OSBPL11: variants seen among roughly 807,000 people sequenced by gnomAD.
OSBPL11 encodes the protein oxysterol binding protein like 11, also known as oxysterol-binding protein-related protein 11.
A neutral mutation model predicts 84.4 loss-of-function variants in OSBPL11; 33 were observed. The ratio of observed to expected loss-of-function variants is 0.39; its 90% CI spans 0.30 to 0.52. The LOEUF (loss-of-function observed/expected upper bound fraction) is 0.52. Ranked by LOEUF, OSBPL11 falls within the 20% of genes least tolerant of loss-of-function variation. The probability of loss-of-function intolerance (pLI) is 0.72; values close to 1 mark genes in which losing one functional copy is unlikely to be tolerated. For synonymous variants in OSBPL11, 276 were observed against 310.2 expected (o/e 0.89, Z 1.16); for missense variants, 736 against 901.1 (o/e 0.82, Z 2.35).
At chr3:125,565,177 T>C (rs1233417169) in intron 6 of OSBPL11, among the ~76,000 whole-genome samples, 1 of 152,142 alleles carries the variant, frequency 6.6e-6, no homozygotes, top group African/African-American at 2.4e-5. Flanking sequence ...CCTGGGAGGT[T>C]GAGCTGCAGT....
chr3:125,538,741 T>C (rs1265536840), intron 10 of OSBPL11, 108 bp from the exon 11 acceptor site: 14 of 893,082 alleles, frequency 1.6e-5, no homozygotes, highest in East Asian at 2.5e-5. Context: ...AAATTAGTTA[T>C]ATACCTCACT....
intron 1 of OSBPL11, among the ~76,000 whole-genome samples, chr3:125,589,174 C>G (rs1048575467): frequency 1.3e-5 from 2 of 151,978 alleles, no homozygotes; most frequent in African/African-American, 2.4e-5. Context: ...CATGGTGGAA[C>G]CCCGTCTCTA....
chr3:125,546,999 C>T (rs1281282938), intron 10 of OSBPL11, among the ~76,000 whole-genome samples: 6 of 152,212 alleles, frequency 3.9e-5, no homozygotes, highest in Middle Eastern at 3.4e-3. Flanking sequence ...TAATGAAGCA[C>T]ATACACTGGC....
At chr3:125,586,027 A>C (rs1416797480) in intron 1 of OSBPL11, among the ~76,000 whole-genome samples, 1 of 152,212 alleles carries the variant, frequency 6.6e-6, no homozygotes, top group Non-Finnish European at 1.5e-5. Flanking sequence ...CCTTGAGTCC[A>C]GGAGTTTGAG....
chr3:125,544,539 G>A (rs370989278), intron 10 of OSBPL11, among the ~76,000 whole-genome samples: 46 of 152,182 alleles, frequency 3.0e-4, no homozygotes, highest in African/African-American at 1.1e-3. Context: ...TAACCATCAG[G>A]CAAGTTCTCC....
chr3:125,587,545 A>C (rs1936533056), intron 1 of OSBPL11, among the ~76,000 whole-genome samples: 1 of 152,232 alleles, frequency 6.6e-6, no homozygotes, highest in African/African-American at 2.4e-5. Context: ...GAAAAGTTTT[A>C]AGGGCAAGGG....
rs148776495 is a variant in OSBPL11 at position 125,594,794 on chromosome 3, C to G, written c.7G>C (p.Gly3Arg). Residue 3 changes from glycine (G) to arginine (R), a missense_variant, in exon 1 of 13, where the codon GGG (glycine) becomes CGG (arginine). By Grantham distance (125) the Gly-to-Arg change is moderately radical. Transcript: ENST00000296220. The stretch of plus-strand genomic sequence containing the variant: ...TTCATTGTGGACACTGGTTCACCCC[C>G]CTGCATCTTAACGCCAAAGTCCACT... MQ[G>R]GEPVSTMKVS... is the part of the protein sequence containing the mutation. The G allele has an allele frequency of 5.9e-5, 95 of 1,613,418 alleles. No homozygotes were observed. Among genetic ancestry groups the G allele is most frequent in the South Asian group, 5.8e-4 (53 of 91,070 alleles).
At position 125,534,951 on chromosome 3, in the gene OSBPL11, G is replaced by GAA. The variant is rs56164804; in HGVS notation, c.2025-2939_2025-2938dup. On this transcript the variant is annotated intron_variant, in intron 11 of 12. Coordinates refer to ENST00000296220, the MANE Select transcript of OSBPL11 (RefSeq NM_022776.5). Reference sequence around the variant, plus strand: ...CCTAAGCTTCCATTGTAAGAAATTAGAAAAAAAAAAAAAAAAAAAAAAAAA... The same window carrying GAA: ...CCTAAGCTTCCATTGTAAGAAATTAGAAAAAAAAAAAAAAAAAAAAAAAAAAA... Among the ~76,000 whole-genome samples, 265 of 64,630 alleles carry GAA rather than the reference G, an allele frequency of 4.1e-3. 16 individuals are homozygous for GAA. The highest frequency in any genetic ancestry group is 0.015 in the African/African-American group (204 of 13,276). 42.4% of individuals were successfully genotyped at this position (64,630 alleles called of 152,430 possible). A position where few individuals can be genotyped will look rare whatever the true frequency, so the allele number is the denominator to read the frequency against.
chr3:125,551,914 G>A (rs1403670275), intron 9 of OSBPL11, among the ~76,000 whole-genome samples: 1 of 151,954 alleles, frequency 6.6e-6, no homozygotes, highest in East Asian at 1.9e-4. Flanking sequence ...CTAGAAATTG[G>A]AGCGAAAAAG....
chr3:125,591,473 G>C (rs138221463), intron 1 of OSBPL11, among the ~76,000 whole-genome samples: 1 of 152,320 alleles, frequency 6.6e-6, no homozygotes, highest in East Asian at 1.9e-4. Context: ...GATGCTCTGT[G>C]AAGAAGCCCA....
intron 1 of OSBPL11, among the ~76,000 whole-genome samples, chr3:125,591,993 C>A (rs1011843045): frequency 3.9e-5 from 6 of 151,954 alleles, no homozygotes; most frequent in Admixed American, 2.0e-4. Flanking sequence ...CAGAGAGAGA[C>A]CTTGTCTCAA....
At chr3:125,579,301 T>C (rs1437442601) in intron 3 of OSBPL11, among the ~76,000 whole-genome samples, 1 of 152,192 alleles carries the variant, frequency 6.6e-6, no homozygotes, top group Non-Finnish European at 1.5e-5. Context: ...TTGCAACTCA[T>C]AAAAATAGGT....
At chr3:125,574,271 A>G (rs79974127) in intron 5 of OSBPL11, among the ~76,000 whole-genome samples, 3 of 142,656 alleles carry the variant, frequency 2.1e-5, no homozygotes, top group African/African-American at 7.7e-5. Flanking sequence ...AACTCACAGG[A>G]AAAAAAAAAA....
Position 125,564,743 on chromosome 3 carries a change from C to T in OSBPL11, c.869-900G>A, listed in dbSNP as rs140384871. 8.8e-3 allele frequency among the ~76,000 whole-genome samples: 1,332 copies of T among 152,072 alleles called. 23 individuals carry two copies. The highest frequency in any genetic ancestry group is 0.03 in the African/African-American group (1,244 of 41,460). On this transcript the variant is annotated intron_variant, in intron 6 of 12. Transcript: ENST00000296220. Reference sequence around the variant, plus strand: ...AATCTCAGCTCACTGCAACCTCCACCTCCCAGGTTCAAGTGATTATCCTGC... The same window carrying T: ...AATCTCAGCTCACTGCAACCTCCACTTCCCAGGTTCAAGTGATTATCCTGC...
At chr3:125,541,910 G>C (rs1337863924) in intron 10 of OSBPL11, among the ~76,000 whole-genome samples, 3 of 152,150 alleles carry the variant, frequency 2.0e-5, no homozygotes, top group African/African-American at 7.2e-5. Flanking sequence ...GTAAATAATA[G>C]AGTCAGGATT....
intron 10 of OSBPL11, among the ~76,000 whole-genome samples, chr3:125,540,575 A>G (rs1399035770): frequency 6.6e-6 from 1 of 152,164 alleles, no homozygotes; most frequent in Non-Finnish European, 1.5e-5. Context: ...TTGAAAATTT[A>G]TCTCTATCAA....
At chr3:125,583,751 A>C (rs1936463237) in intron 1 of OSBPL11, among the ~76,000 whole-genome samples, 2 of 152,084 alleles carry the variant, frequency 1.3e-5, no homozygotes, top group African/African-American at 4.8e-5. Flanking sequence ...AAAATAAATA[A>C]ATAAGAATAA....
chr3:125,578,050 G>T (rs942147656), intron 4 of OSBPL11, among the ~76,000 whole-genome samples: 1 of 152,040 alleles, frequency 6.6e-6, no homozygotes, highest in African/African-American at 2.4e-5. Flanking sequence ...TTAAAATAAT[G>T]AATGTTTTCA....
intron 11 of OSBPL11, among the ~76,000 whole-genome samples, chr3:125,537,117 C>T (rs1278986346): frequency 6.7e-6 from 1 of 149,102 alleles, no homozygotes; most frequent in Non-Finnish European, 1.5e-5. Flanking sequence ...CCGAGATCGC[C>T]CGACCACACT....
Sources: gnomAD v4.1 joint callset for allele counts (sites outside exome capture counted in the v4.1 genomes callset) on GRCh38, gnomAD v4.1.1 for gene constraint, MANE v1.5 for transcripts, NCBI Gene and HGNC (gene_info 2026-07-23, HGNC 2026-07-21) for gene names.